ATXN7L1: variants seen among roughly 807,000 people sequenced by gnomAD.
The protein encoded by ATXN7L1 is ataxin 7 like 1.
A neutral mutation model predicts 70.8 loss-of-function variants in ATXN7L1; 15 were observed. The observed-to-expected ratio is 0.21, with a 90% CI of 0.14 to 0.33. The LOEUF (loss-of-function observed/expected upper bound fraction) is 0.33. Ranked by LOEUF, ATXN7L1 falls within the 10% of genes least tolerant of loss-of-function variation. The pLI is 1.00. For synonymous variants in ATXN7L1, 440 were observed against 445.1 expected (o/e 0.99, Z 0.14); for missense variants, 975 against 1,097.1 (o/e 0.89, Z 1.57).
chr7:105,677,514 T>A (rs1361757122), intron 3 of ATXN7L1, among the ~76,000 whole-genome samples: 1 of 152,214 alleles, frequency 6.6e-6, no homozygotes, highest in East Asian at 1.9e-4. Context: ...GTTTACTCTT[T>A]TATCTCCAGC....
intron 3 of ATXN7L1, among the ~76,000 whole-genome samples, chr7:105,773,452 C>T (rs1254639587): frequency 6.6e-6 from 1 of 152,116 alleles, no homozygotes; most frequent in Non-Finnish European, 1.5e-5. Context: ...CCCCTGGGAC[C>T]TGGGAAAAGG....
At position 105,614,219 on chromosome 7, in the gene ATXN7L1, A is replaced by G; in HGVS notation, c.2115T>C (p.Asn705=). 1 of 1,551,680 alleles carries G rather than the reference A, an allele frequency of 6.4e-7. No homozygotes were observed. The highest frequency in any genetic ancestry group is 8.7e-7 in the Non-Finnish European group (1 of 1,146,984). ...GTTTGGCACTGAGTGGGCTCACCCC[A>G]TTGTTTGAGTTGTGCACAGACAGGC... ...YNSLSVHNSN[N]GVSPLSAKLE... is the part of the protein sequence containing the mutation. The change falls in exon 10 of 12, where the codon AAT becomes AAC. Residue 705 remains asparagine (N), a synonymous_variant. Coordinates refer to ENST00000419735, the MANE Select transcript of ATXN7L1 (RefSeq NM_020725.2). The surrounding 1 kb of genome is among the most constrained non-coding windows in gnomAD (Gnocchi z 4.3).
intron 4 of ATXN7L1, among the ~76,000 whole-genome samples, chr7:105,648,175 C>T (rs1047803861): frequency 1.3e-5 from 2 of 152,204 alleles, no homozygotes; most frequent in Non-Finnish European, 2.9e-5. Context: ...AGGGAGACTG[C>T]GCTCTTTTGG....
chr7:105,760,351 T>C (rs1584940833), intron 3 of ATXN7L1: 1 of 916,314 alleles, frequency 1.1e-6, no homozygotes, highest in Non-Finnish European at 1.3e-6. Flanking sequence ...ATCCCCATTA[T>C]TTTATATATG....
chr7:105,697,413 C>T (rs1420988013), intron 3 of ATXN7L1, among the ~76,000 whole-genome samples: 4 of 152,220 alleles, frequency 2.6e-5, no homozygotes, highest in Non-Finnish European at 5.9e-5. Flanking sequence ...CTCCCATTTG[C>T]TTTTGAAAGA....
intron 3 of ATXN7L1, chr7:105,678,044 GAA>G (rs1804974220): frequency 1.0e-6 from 1 of 981,052 alleles, no homozygotes; most frequent in Non-Finnish European, 1.2e-6. Flanking sequence ...AAGTTGTCTT[GAA>G]GTAGGGTGTG....
intron 4 of ATXN7L1, among the ~76,000 whole-genome samples, chr7:105,656,883 TGCAGTTATTTTTTTAA>T (rs993249803): frequency 9.9e-5 from 15 of 152,190 alleles, no homozygotes; most frequent in African/African-American, 3.1e-4. Context: ...TTTCTTGTAA[TGCAGTTATTTTTTTAA>T]GCTACTCAGT....
intron 3 of ATXN7L1, among the ~76,000 whole-genome samples, chr7:105,768,565 G>C (rs1473569609): frequency 6.6e-6 from 1 of 152,188 alleles, no homozygotes; most frequent in Non-Finnish European, 1.5e-5. Flanking sequence ...ATCACGAGTA[G>C]GTTTACATGC....
intron 3 of ATXN7L1, among the ~76,000 whole-genome samples, chr7:105,672,229 T>C (rs1281530243): frequency 1.3e-5 from 2 of 152,078 alleles, no homozygotes; most frequent in African/African-American, 4.8e-5. Flanking sequence ...GAGGCTGCAG[T>C]GAGCCGAGAT....
intron 4 of ATXN7L1, among the ~76,000 whole-genome samples, chr7:105,664,458 T>C (rs1241214534): frequency 2.0e-5 from 3 of 147,764 alleles, no homozygotes; most frequent in African/African-American, 7.5e-5. Flanking sequence ...TATATATATG[T>C]ATGTGTGTAT....
chr7:105,860,504 A>G (rs1312381440), intron 2 of ATXN7L1, among the ~76,000 whole-genome samples: 4 of 152,186 alleles, frequency 2.6e-5, no homozygotes, highest in Non-Finnish European at 4.4e-5. Flanking sequence ...AGTTCTTAGA[A>G]TCTTGACAAC....
At chr7:105,788,482 C>A in intron 3 of ATXN7L1, 122 bp downstream of exon 3, 1 of 802,432 alleles carries the variant, frequency 1.2e-6, no homozygotes, top group South Asian at 1.6e-5. Flanking sequence ...CCCAGGAAGA[C>A]TTTACCCACA....
chr7:105,778,733 T>C (rs1258000060), intron 3 of ATXN7L1, among the ~76,000 whole-genome samples: 1 of 152,190 alleles, frequency 6.6e-6, no homozygotes, highest in Non-Finnish European at 1.5e-5. Context: ...TTGTTGGGGA[T>C]AAACAAGAAA....
intron 7 of ATXN7L1, among the ~76,000 whole-genome samples, chr7:105,634,088 G>A (rs1331942802): frequency 2.0e-5 from 3 of 152,212 alleles, no homozygotes; most frequent in Non-Finnish European, 4.4e-5. Context: ...CTGGTGGGAA[G>A]GAGTTCACTG....
intron 3 of ATXN7L1, among the ~76,000 whole-genome samples, chr7:105,733,899 T>A (rs1258516091): frequency 8.7e-6 from 1 of 115,042 alleles, no homozygotes; most frequent in African/African-American, 3.4e-5. Flanking sequence ...CATCCATCCA[T>A]CCATCATCCA....
chr7:105,820,125 TCAAAAAAAAAAA>T, intron 2 of ATXN7L1: 2 of 28,906 alleles, frequency 6.9e-5, no homozygotes, highest in South Asian at 8.5e-4. Flanking sequence ...TGTTTATTCC[TCAAAAAAAAAAA>T]AAAAAAAAAA....
intron 2 of ATXN7L1, among the ~76,000 whole-genome samples, chr7:105,874,579 T>C (rs939218062): frequency 5.3e-5 from 8 of 152,224 alleles, no homozygotes; most frequent in Non-Finnish European, 2.9e-5. Context: ...TTTAGAATAA[T>C]GTTTTGTTCC....
rs375926532 is a variant in ATXN7L1, at chr7:105,724,266, G to C, written c.356-58978C>G. Among the ~76,000 whole-genome samples, 21 of 152,272 alleles carry C rather than the reference G, an allele frequency of 1.4e-4. No individual in the cohort carries two copies. In the South Asian group the frequency reaches 3.9e-3, roughly 29 times the overall value. On this transcript the variant is annotated intron_variant, in intron 3 of 11. Transcript: ENST00000419735. Reference sequence around the variant, plus strand: ...GTGAAAGCTGATAATTTTCTGTGCTGCTGTTTAATCAGAAATGGAAATTAG... The same window carrying C: ...GTGAAAGCTGATAATTTTCTGTGCTCCTGTTTAATCAGAAATGGAAATTAG...
intron 3 of ATXN7L1, among the ~76,000 whole-genome samples, chr7:105,700,583 C>G (rs985944949): frequency 1.3e-5 from 2 of 151,718 alleles, no homozygotes; most frequent in African/African-American, 4.8e-5. Flanking sequence ...CATATCTGAG[C>G]CCCTGTGTAT....
Sources: allele counts gnomAD v4.1 joint callset (sites outside exome capture counted in the v4.1 genomes callset), GRCh38; gene constraint gnomAD v4.1.1; non-coding constraint Gnocchi (gnomAD v3.1); transcripts MANE v1.5; gene names NCBI Gene and HGNC (gene_info 2026-07-23, HGNC 2026-07-21).